Variants in ARPP21 observed in about 807,000 individuals in gnomAD.
The protein encoded by ARPP21 is cAMP regulated phosphoprotein 21.
In ARPP21, 69 loss-of-function variants were observed where a neutral mutation model predicts 113.2. The ratio of observed to expected loss-of-function variants is 0.61; its 90% CI spans 0.50 to 0.74. The LOEUF is 0.74. ARPP21 is among the 30% of genes least tolerant of loss of function. The pLI is 0.00. For synonymous variants in ARPP21, 368 were observed against 375.5 expected (o/e 0.98, Z 0.23); for missense variants, 1,070 against 1,037.4 (o/e 1.03, Z -0.43).
intron 1 of ARPP21, among the ~76,000 whole-genome samples, chr3:35,647,800 C>T (rs1700813656): frequency 6.6e-6 from 1 of 152,142 alleles, no homozygotes; most frequent in Admixed American, 6.5e-5. Flanking sequence ...CCCAACTCAA[C>T]AACTTGCTAG....
At chr3:35,754,939 A>G (rs1279780604) in intron 19 of ARPP21, among the ~76,000 whole-genome samples, 1 of 152,058 alleles carries the variant, frequency 6.6e-6, no homozygotes, top group Admixed American at 6.6e-5. Flanking sequence ...TGGCGAAAAC[A>G]GAAAGAAAAA....
intron 19 of ARPP21, among the ~76,000 whole-genome samples, chr3:35,758,917 T>C (rs888619669): frequency 6.6e-6 from 1 of 152,000 alleles, no homozygotes. Flanking sequence ...ATGAATGTGA[T>C]TGTCCAGATA....
chr3:35,736,524 C>T (rs1222937737), intron 15 of ARPP21, among the ~76,000 whole-genome samples: 1 of 152,120 alleles, frequency 6.6e-6, no homozygotes, highest in East Asian at 1.9e-4. Flanking sequence ...GTAAACCATG[C>T]CATTATTTCA....
intron 19 of ARPP21, among the ~76,000 whole-genome samples, chr3:35,791,386 A>C (rs1405754643): frequency 6.6e-6 from 1 of 152,204 alleles, no homozygotes; most frequent in African/African-American, 2.4e-5. Flanking sequence ...ACTTACTCTT[A>C]GGTGCTCTAC....
At chr3:35,684,495 A>G (rs534067575) in intron 5 of ARPP21, 1 of 984,210 alleles carries the variant, frequency 1.0e-6, no homozygotes, top group African/African-American at 1.8e-5. Flanking sequence ...ACTTCACATC[A>G]TACTTATTTT....
chr3:35,685,750 TATTACTGC>T (rs780313154), intron 5 of ARPP21: 3 of 971,282 alleles, frequency 3.1e-6, no homozygotes, highest in Non-Finnish European at 3.7e-6. Flanking sequence ...CCTGTCAGTG[TATTACTGC>T]AACTTGAATC....
intron 19 of ARPP21, among the ~76,000 whole-genome samples, chr3:35,752,850 C>T (rs1034762736): frequency 2.6e-5 from 4 of 151,998 alleles, no homozygotes; most frequent in Non-Finnish European, 4.4e-5. Flanking sequence ...TTGTATTAGG[C>T]ACAATTCTAA....
chr3:35,638,917 G>C (rs1170131386), upstream of ARPP21: 2 of 152,430 alleles, frequency 1.3e-5, no homozygotes, highest in Non-Finnish European at 2.9e-5. Context: ...GGTGGGGCGA[G>C]GTGTTATTAT....
intron 1 of ARPP21, among the ~76,000 whole-genome samples, chr3:35,676,388 A>G (rs952463712): frequency 6.6e-6 from 1 of 152,068 alleles, no homozygotes; most frequent in African/African-American, 2.4e-5. Flanking sequence ...CTACATGTTT[A>G]TAAAATGTCA....
chr3:35,720,408 GGTGA>G (rs2092938036), intron 13 of ARPP21, among the ~76,000 whole-genome samples: 1 of 152,038 alleles, frequency 6.6e-6, no homozygotes. Context: ...CAATTTTGTC[GGTGA>G]GTATTTCAAT....
At chr3:35,705,490 T>C (rs2088512167) in intron 9 of ARPP21, among the ~76,000 whole-genome samples, 1 of 152,332 alleles carries the variant, frequency 6.6e-6, no homozygotes, top group South Asian at 2.1e-4. Flanking sequence ...GGAAAACATT[T>C]ACATTGAAAA....
chr3:35,653,474 C>T (rs771632641), intron 1 of ARPP21, among the ~76,000 whole-genome samples: 1 of 151,910 alleles, frequency 6.6e-6, no homozygotes, highest in Non-Finnish European at 1.5e-5. Context: ...GCAAAGTACA[C>T]GGAAATTTGT....
intron 15 of ARPP21, among the ~76,000 whole-genome samples, chr3:35,733,476 C>T (rs1284934602): frequency 6.6e-6 from 1 of 152,186 alleles, no homozygotes; most frequent in Non-Finnish European, 1.5e-5. Context: ...GCCTGCTGAG[C>T]GTGCTTGTGC....
intron 18 of ARPP21, among the ~76,000 whole-genome samples, chr3:35,742,111 T>A (rs1018007249): frequency 6.6e-6 from 1 of 152,242 alleles, no homozygotes; most frequent in Non-Finnish European, 1.5e-5. Context: ...TTTTTAAGTA[T>A]AAATTCCTTC....
At chr3:35,764,746 A>G (rs549073770) in intron 19 of ARPP21, among the ~76,000 whole-genome samples, 3 of 152,174 alleles carry the variant, frequency 2.0e-5, no homozygotes. Context: ...ATATATGTAT[A>G]CATTTTGTTT....
intron 9 of ARPP21, among the ~76,000 whole-genome samples, chr3:35,693,083 A>T (rs953984664): frequency 6.6e-6 from 1 of 151,538 alleles, no homozygotes; most frequent in Non-Finnish European, 1.5e-5. Context: ...AATAGATGCC[A>T]CATGTTTATA....
intron 1 of ARPP21, among the ~76,000 whole-genome samples, chr3:35,679,021 A>G (rs950463093): frequency 6.6e-6 from 1 of 151,922 alleles, no homozygotes; most frequent in Non-Finnish European, 1.5e-5. Flanking sequence ...GAGAAAGAGA[A>G]AGTGCACATT....
At chr3:35,779,298 A>G (rs571437655) in intron 19 of ARPP21, among the ~76,000 whole-genome samples, 9 of 152,338 alleles carry the variant, frequency 5.9e-5, no homozygotes, top group African/African-American at 2.2e-4. Flanking sequence ...ACTATTACCA[A>G]CAAAACAGAA....
intron 1 of ARPP21, among the ~76,000 whole-genome samples, chr3:35,667,943 G>GAA (rs2075014727): frequency 7.4e-6 from 1 of 135,466 alleles, no homozygotes; most frequent in Non-Finnish European, 1.6e-5. Context: ...AGAAGGAGAA[G>GAA]AAGAAAAGAA....
Sources: allele counts gnomAD v4.1 joint callset (sites outside exome capture counted in the v4.1 genomes callset), GRCh38; gene constraint gnomAD v4.1.1; transcripts MANE v1.5; gene names NCBI Gene and HGNC (gene_info 2026-07-23, HGNC 2026-07-21).